NDST3: variants seen among roughly 807,000 people sequenced by gnomAD.
NDST3 encodes N-deacetylase and N-sulfotransferase 3, also known as bifunctional heparan sulfate N-deacetylase/N-sulfotransferase 3.
Under a neutral mutation model 96.1 loss-of-function variants are expected in NDST3, and 58 were observed. The ratio of observed to expected loss-of-function variants is 0.60; its 90% CI spans 0.49 to 0.75. NDST3 has a LOEUF of 0.75. Among genes scored for constraint, NDST3 ranks in the 30% least tolerant of loss-of-function variants. The pLI, the probability that NDST3 is intolerant of heterozygous loss-of-function variation, is 0.00. For synonymous variants in NDST3, 333 were observed against 359.7 expected (o/e 0.93, Z 0.84); for missense variants, 788 against 1,034.2 (o/e 0.76, Z 3.27).
chr4:118,210,455 A>G (rs1260529723), intron 6 of NDST3, among the ~76,000 whole-genome samples: 1 of 152,162 alleles, frequency 6.6e-6, no homozygotes, highest in African/African-American at 2.4e-5. Flanking sequence ...AACTCTTAAA[A>G]GGAATATTAG....
intron 2 of NDST3, among the ~76,000 whole-genome samples, chr4:118,088,868 G>T (rs541880479): frequency 4.0e-5 from 6 of 151,858 alleles, no homozygotes; most frequent in African/African-American, 1.2e-4. Context: ...ACCGTTGCTG[G>T]CTCTCTGATA....
chr4:118,157,467 C>A (rs1560685578), intron 6 of NDST3, among the ~76,000 whole-genome samples: 1 of 149,154 alleles, frequency 6.7e-6, no homozygotes, highest in African/African-American at 2.5e-5. Flanking sequence ...ACTCTGTTAC[C>A]AAGGCTGGAG....
At chr4:118,194,416 G>A (rs780912153) in intron 6 of NDST3, 38 of 735,212 alleles carry the variant, frequency 5.2e-5, no homozygotes, top group East Asian at 1.0e-4. Context: ...CTGCTGCACC[G>A]AAGGCATATT....
At chr4:118,187,172 T>G (rs1484928435) in intron 6 of NDST3, among the ~76,000 whole-genome samples, 1 of 152,206 alleles carries the variant, frequency 6.6e-6, no homozygotes, top group Non-Finnish European at 1.5e-5. Flanking sequence ...ATGTATTCCT[T>G]CACGTACAAC....
intron 12 of NDST3, among the ~76,000 whole-genome samples, chr4:118,250,696 CTGGT>C: frequency 6.6e-6 from 1 of 152,124 alleles, no homozygotes; most frequent in East Asian, 1.9e-4. Flanking sequence ...GTTGGTCAGG[CTGGT>C]CTTGAACTCC....
intron 6 of NDST3, among the ~76,000 whole-genome samples, chr4:118,218,401 T>A (rs893999840): frequency 2.6e-5 from 4 of 152,142 alleles, no homozygotes; most frequent in Non-Finnish European, 5.9e-5. Flanking sequence ...TGAAAATCAA[T>A]AAATGTAATC....
At chr4:118,243,586 A>C (rs1165872267) in intron 12 of NDST3, among the ~76,000 whole-genome samples, 1 of 152,190 alleles carries the variant, frequency 6.6e-6, no homozygotes, top group Non-Finnish European at 1.5e-5. Flanking sequence ...TTCAGTTTGC[A>C]CTTAAAAATT....
Position 118,114,822 on chromosome 4 carries a change from T to C in NDST3, c.1086T>C (p.Asp362=), listed in dbSNP as rs756753044. The stretch of plus-strand genomic sequence containing the variant: ...CCCCTAAAGGAACTGAAGAGGAAGA[T>C]GAAGGAGATGACTGTCTGTTGGGGT... ...KFYHTGTEEE[D]EGDDCLLGSV... The change falls in exon 4 of 14, where the codon GAT becomes GAC. Residue 362 remains aspartate (D), a synonymous_variant. Transcript: ENST00000296499. The C allele has an allele frequency of 1.9e-6, 3 of 1,613,964 alleles. No individual in the cohort carries two copies. The highest frequency in any genetic ancestry group is 8.5e-7 in the Non-Finnish European group (1 of 1,179,896).
intron 4 of NDST3, among the ~76,000 whole-genome samples, chr4:118,127,803 T>C (rs1402828186): frequency 1.3e-5 from 2 of 152,136 alleles, no homozygotes; most frequent in Non-Finnish European, 2.9e-5. Context: ...TTTAACAATA[T>C]TGATTCTTCT....
chr4:118,172,019 A>G (rs867671859), intron 6 of NDST3, among the ~76,000 whole-genome samples: 46 of 152,286 alleles, frequency 3.0e-4, no homozygotes, highest in African/African-American at 9.4e-4. Flanking sequence ...CTACAATAAT[A>G]ATAGAGGTCT....
chr4:118,179,112 A>T (rs1413806376), intron 6 of NDST3, among the ~76,000 whole-genome samples: 4 of 152,088 alleles, frequency 2.6e-5, no homozygotes, highest in Non-Finnish European at 5.9e-5. Context: ...CTAGAAAGTC[A>T]TAATTTTTAT....
At chr4:118,189,852 G>T (rs1228144269) in intron 6 of NDST3, among the ~76,000 whole-genome samples, 1 of 151,986 alleles carries the variant, frequency 6.6e-6, no homozygotes, top group African/African-American at 2.4e-5. Flanking sequence ...CAATGCTAAA[G>T]CTAATTGTAA....
chr4:118,055,194 C>A, intron 2 of NDST3: 5 of 334,650 alleles, frequency 1.5e-5, no homozygotes, highest in Non-Finnish European at 1.7e-5. Context: ...CTATCTACCT[C>A]AAAAAAAAGC....
At chr4:118,224,194 A>G (rs959613880) in intron 6 of NDST3, among the ~76,000 whole-genome samples, 6 of 152,158 alleles carry the variant, frequency 3.9e-5, no homozygotes, top group Non-Finnish European at 7.4e-5. Context: ...GTTATTCAGC[A>G]TCAGTCTTAT....
At chr4:118,105,252 T>C in intron 3 of NDST3, 147 bp downstream of exon 3, 1 of 566,298 alleles carries the variant, frequency 1.8e-6, no homozygotes, top group Non-Finnish European at 3.1e-6. Context: ...TGCTATTTTT[T>C]AATTTTTGTA....
chr4:118,195,302 G>A (rs1431418440), intron 6 of NDST3, among the ~76,000 whole-genome samples: 3 of 152,132 alleles, frequency 2.0e-5, no homozygotes, highest in East Asian at 1.9e-4. Flanking sequence ...CTTGTCAAGG[G>A]TGGGGCCAGG....
At chr4:118,040,684 T>G (rs2110423993) in intron 1 of NDST3, among the ~76,000 whole-genome samples, 1 of 151,606 alleles carries the variant, frequency 6.6e-6, no homozygotes, top group East Asian at 1.9e-4. Flanking sequence ...AAGAGTTTGG[T>G]TTTTGTTGTT....
chr4:118,052,083 T>G (rs944600370), intron 1 of NDST3, among the ~76,000 whole-genome samples: 5 of 152,068 alleles, frequency 3.3e-5, no homozygotes, highest in African/African-American at 1.2e-4. Context: ...TGCATACACT[T>G]GTATGTTTAT....
intron 10 of NDST3, among the ~76,000 whole-genome samples, chr4:118,240,278 G>C (rs1740922406): frequency 6.6e-6 from 1 of 152,008 alleles, no homozygotes; most frequent in Non-Finnish European, 1.5e-5. Context: ...TGCTGGTGAA[G>C]GAATCCTATC....
Sources: gnomAD v4.1 joint callset for allele counts (sites outside exome capture counted in the v4.1 genomes callset) on GRCh38, gnomAD v4.1.1 for gene constraint, MANE v1.5 for transcripts, NCBI Gene and HGNC (gene_info 2026-07-23, HGNC 2026-07-21) for gene names.